RFC1: variants seen among roughly 807,000 people sequenced by gnomAD.
RFC1 encodes the protein replication factor C subunit 1, also known as A1 140 kDa subunit.
RFC1 carries 37 observed loss-of-function variants against 137.4 expected under a neutral mutation model. That is an observed-to-expected ratio of 0.27 (90% CI 0.21 to 0.35). RFC1 has a LOEUF of 0.35. Ranked by LOEUF, RFC1 falls within the 10% of genes least tolerant of loss-of-function variation. RFC1 has a pLI of 1.00. For missense variants in RFC1, 1,205 were observed against 1,358.5 expected, an observed-to-expected ratio of 0.89 and a Z score of 1.78; for synonymous variants, 429 against 455.7, an observed-to-expected ratio of 0.94 and a Z score of 0.75.
intron 5 of RFC1, among the ~76,000 whole-genome samples, chr4:39,327,250 C>G (rs921494): frequency 0.91 from 137,901 of 152,192 alleles, 64,018 homozygotes; most frequent in East Asian, 1. Context: ...AAATGAGTTT[C>G]CATTCTGAGA....
chr4:39,309,543 C>A (rs1738861867), intron 12 of RFC1, among the ~76,000 whole-genome samples: 1 of 152,216 alleles, frequency 6.6e-6, no homozygotes, highest in Admixed American at 6.5e-5. Flanking sequence ...AACCTTGAAA[C>A]CACTATGCTA....
chr4:39,293,369 C>G (rs1737795037), intron 22 of RFC1, among the ~76,000 whole-genome samples: 2 of 152,126 alleles, frequency 1.3e-5, no homozygotes, highest in South Asian at 4.1e-4. Context: ...GGGTTCTTAA[C>G]CTCAGGAATC....
chr4:39,322,792 A>AG (rs1739584942), intron 7 of RFC1, among the ~76,000 whole-genome samples: 1 of 151,744 alleles, frequency 6.6e-6, no homozygotes. Flanking sequence ...AAAAAAAAAA[A>AG]GAACTAAAAG....
At chr4:39,327,996 C>T (rs1294677529) in intron 4 of RFC1, among the ~76,000 whole-genome samples, 1 of 152,020 alleles carries the variant, frequency 6.6e-6, no homozygotes, top group Non-Finnish European at 1.5e-5. Context: ...ATTAGCCAGG[C>T]ATGGTGGTAC....
chr4:39,308,827 C>T lies in RFC1; in HGVS notation c.1694G>A (p.Gly565Asp). 2 of 1,614,160 alleles carry T rather than the reference C, an allele frequency of 1.2e-6. No homozygotes were observed. The highest frequency in any genetic ancestry group is 1.3e-5 in the African/African-American group (1 of 75,032). Residue 565 changes from glycine to aspartate, a missense_variant, in exon 13 of 25, where the codon GGT becomes GAT. Physicochemically the swap from Gly to Asp is moderately conservative, Grantham distance 94 (BLOSUM62 -1). Around this residue, in one of 3 missense-constraint regions of RFC1, gnomAD observed 962 missense variants for 1,035.3 expected, o/e 0.93. Coordinates refer to ENST00000349703, the MANE Select transcript of RFC1 (RefSeq NM_002913.5). ...AGCCAAATTCCTAGCCTTGCTGTCA[C>T]CACTTGTCTCCTCAGCCACCTGCTC... is the stretch of plus-strand genomic sequence containing the variant. ...FKEQVAEETS[G>D]DSKARNLADD...
intron 2 of RFC1, among the ~76,000 whole-genome samples, chr4:39,349,183 G>C (rs991473873): frequency 1.3e-5 from 2 of 152,144 alleles, no homozygotes; most frequent in Non-Finnish European, 2.9e-5. Flanking sequence ...TTAAGACTTT[G>C]GGGGCTGTTA....
intron 24 of RFC1, 37 bp from the exon 25 acceptor site, chr4:39,288,881 T>A: frequency 8.2e-7 from 1 of 1,216,428 alleles, no homozygotes; most frequent in Non-Finnish European, 1.2e-6. Flanking sequence ...TTAATAGCTG[T>A]GTTTATGAGT....
chr4:39,359,699 G>A (rs2109778255), intron 1 of RFC1, among the ~76,000 whole-genome samples: 1 of 152,084 alleles, frequency 6.6e-6, no homozygotes, highest in African/African-American at 2.4e-5. Flanking sequence ...GCGGGCGCCT[G>A]TAGTCCCAGC....
At chr4:39,296,494 T>G (rs1455719473) in intron 21 of RFC1, among the ~76,000 whole-genome samples, 3 of 126,436 alleles carry the variant, frequency 2.4e-5, no homozygotes, top group African/African-American at 5.9e-5. Flanking sequence ...TGAGTGAGAA[T>G]ATGTGGTGTT....
At chr4:39,347,173 G>A (rs1255141778) in intron 2 of RFC1, among the ~76,000 whole-genome samples, 1 of 152,188 alleles carries the variant, frequency 6.6e-6, no homozygotes, top group Admixed American at 6.5e-5. Context: ...CAGATATTTG[G>A]TCAAACATCA....
chr4:39,349,071 A>AG (rs11419045), intron 2 of RFC1, among the ~76,000 whole-genome samples: 148,694 of 152,314 alleles, frequency 0.98, 72,683 homozygotes, highest in Middle Eastern at 1. Flanking sequence ...ACAGCAAAAG[A>AG]AAATTTTCCC....
chr4:39,307,709 C>G (rs1002204946), intron 13 of RFC1, among the ~76,000 whole-genome samples: 1 of 148,268 alleles, frequency 6.7e-6, no homozygotes, highest in Non-Finnish European at 1.5e-5. Flanking sequence ...GAGCAAGACT[C>G]TGTCTCAAAA....
intron 1 of RFC1, among the ~76,000 whole-genome samples, chr4:39,360,485 C>G (rs1341509505): frequency 6.6e-6 from 1 of 151,586 alleles, no homozygotes; most frequent in Non-Finnish European, 1.5e-5. Context: ...GCCTGGGTGA[C>G]AGGGCGAGAC....
chr4:39,295,938 A>C (rs1737964913), intron 21 of RFC1, 179 bp from the exon 22 acceptor site: 3 of 483,488 alleles, frequency 6.2e-6, no homozygotes, highest in Non-Finnish European at 1.1e-5. Context: ...CTTCTCCCAG[A>C]GAAAACAACA....
Position 39,300,146 on chromosome 4 carries a change from A to G in RFC1, c.2691-8T>C, listed in dbSNP as rs1238322553. 2 of 1,613,162 alleles carry G rather than the reference A, an allele frequency of 1.2e-6. No homozygotes were observed. The highest frequency in any genetic ancestry group is 1.3e-5 in the African/African-American group (1 of 74,856). ...TGCTTTTTCATGTCACCCCTGCAGGAAAGAACCAGTCTGGATTATCCCACT... is the reference window on the plus strand; with the variant it reads ...TGCTTTTTCATGTCACCCCTGCAGGGAAGAACCAGTCTGGATTATCCCACT... On this transcript the variant is annotated splice_polypyrimidine_tract_variant and splice_region_variant and intron_variant, in intron 20 of 24. Transcript: ENST00000349703.
chr4:39,314,703 G>T (rs1347946336), intron 10 of RFC1, among the ~76,000 whole-genome samples: 2 of 151,994 alleles, frequency 1.3e-5, no homozygotes, highest in South Asian at 2.1e-4. Context: ...CGACCTTCTC[G>T]CTCCCCACTC....
At chr4:39,319,924 C>A (rs561360615) in intron 9 of RFC1, among the ~76,000 whole-genome samples, 1 of 152,142 alleles carries the variant, frequency 6.6e-6, no homozygotes, top group Admixed American at 6.5e-5. Flanking sequence ...AGAAGAGTAC[C>A]CAATTTAAAC....
intron 1 of RFC1, among the ~76,000 whole-genome samples, chr4:39,364,997 T>C (rs1424660606): frequency 6.6e-6 from 1 of 152,072 alleles, no homozygotes. Context: ...CTCCAAAATG[T>C]AATGATGATC....
intron 12 of RFC1, 59 bp from the exon 13 acceptor site, chr4:39,309,091 C>A: frequency 6.6e-7 from 1 of 1,517,878 alleles, no homozygotes; most frequent in South Asian, 1.3e-5. Flanking sequence ...GAATTTCTAT[C>A]CTGCTAAACG....
Sources: allele counts gnomAD v4.1 joint callset (sites outside exome capture counted in the v4.1 genomes callset), GRCh38; gene constraint gnomAD v4.1.1; regional missense constraint gnomAD v4.1.1; transcripts MANE v1.5; gene names NCBI Gene and HGNC (gene_info 2026-07-23, HGNC 2026-07-21).